ZNF177: variants seen among roughly 807,000 people sequenced by gnomAD.
ZNF177 encodes the protein zinc finger protein 177.
ZNF177 carries 17 observed loss-of-function variants against 19.4 expected under a neutral mutation model. The observed-to-expected ratio is 0.87, with a 90% CI of 0.60 to 1.31. The LOEUF (loss-of-function observed/expected upper bound fraction) is 1.31. Among genes scored for constraint, ZNF177 ranks in the 40% most tolerant of loss-of-function variants. The pLI is 0.00. For synonymous variants in ZNF177, 220 were observed against 188.7 expected (o/e 1.17, Z -1.36); for missense variants, 633 against 561.8 (o/e 1.13, Z -1.28).
chr19:9,378,055 A>G (rs998531287), intron 1 of ZNF177, among the ~76,000 whole-genome samples: 3 of 152,200 alleles, frequency 2.0e-5, no homozygotes, highest in Admixed American at 6.5e-5. Flanking sequence ...TTAGTGGTTC[A>G]GGCTAGAAAA....
intron 2 of ZNF177, among the ~76,000 whole-genome samples, chr19:9,368,873 T>C (rs189981078): frequency 6.6e-6 from 1 of 152,276 alleles, no homozygotes; most frequent in African/African-American, 2.4e-5. Context: ...CCATTTCATA[T>C]AGTTCAATGT....
chr19:9,370,558 C>A (rs1434937217), intron 2 of ZNF177, among the ~76,000 whole-genome samples: 2 of 152,010 alleles, frequency 1.3e-5, no homozygotes, highest in African/African-American at 4.8e-5. Flanking sequence ...GGACCACAGG[C>A]ATGCGCCACC....
chr19:9,368,831 T>C (rs1452230612), intron 2 of ZNF177, among the ~76,000 whole-genome samples: 2 of 152,280 alleles, frequency 1.3e-5, no homozygotes, highest in South Asian at 2.1e-4. Context: ...AAACCACTAA[T>C]ATTCAACCAT....
chr19:9,380,972 GCCTA>G lies in ZNF177; in HGVS notation c.643_646del (p.Leu215ThrfsTer88). 1 of 1,544,390 alleles carries G rather than the reference GCCTA, an allele frequency of 6.5e-7. No homozygotes were observed. The highest frequency in any genetic ancestry group is 1.2e-5 in the South Asian group (1 of 85,392). On this transcript the variant is annotated frameshift_variant, in exon 6 of 6. Transcript: ENST00000589262. LOFTEE classifies it low-confidence loss of function (END_TRUNC). ...TATGAGCAATGTGATATGTCCTTCAGCCTACACTCTTCCTGCTCAGTACGTGAGC... is the reference window on the plus strand; with the variant it reads ...TATGAGCAATGTGATATGTCCTTCAGCACTCTTCCTGCTCAGTACGTGAGC...
intron 5 of ZNF177, 121 bp downstream of exon 7, chr19:9,380,260 CTGT>C: frequency 2.4e-6 from 3 of 1,231,418 alleles, no homozygotes; most frequent in Non-Finnish European, 3.3e-6. Flanking sequence ...CACCAGAAAG[CTGT>C]CTCGGGAGAG....
chr19:9,377,710 A>G (rs1056489048), intron 1 of ZNF177, among the ~76,000 whole-genome samples: 2 of 151,274 alleles, frequency 1.3e-5, no homozygotes, highest in East Asian at 1.9e-4. Flanking sequence ...ATATACAGCT[A>G]AGTGTACTAA....
chr19:9,370,855 C>T (rs1192759463), intron 2 of ZNF177, among the ~76,000 whole-genome samples: 1 of 152,172 alleles, frequency 6.6e-6, no homozygotes, highest in Non-Finnish European at 1.5e-5. Context: ...ATACAGAGGG[C>T]TGACTGTATA....
intron 2 of ZNF177, among the ~76,000 whole-genome samples, chr19:9,368,914 A>G (rs531008263): frequency 1.3e-5 from 2 of 152,274 alleles, no homozygotes; most frequent in South Asian, 4.1e-4. Context: ...ACTTAGTTAC[A>G]TTGTAATTAA....
At chr19:9,366,023 G>A (rs1235034265) in intron 2 of ZNF177, among the ~76,000 whole-genome samples, 2 of 152,034 alleles carry the variant, frequency 1.3e-5, no homozygotes, top group Non-Finnish European at 2.9e-5. Context: ...TACCTCTGTC[G>A]CCAGGCTAGA....
intron 1 of ZNF177, among the ~76,000 whole-genome samples, chr19:9,376,828 G>A (rs1461894047): frequency 6.6e-6 from 1 of 152,012 alleles, no homozygotes; most frequent in African/African-American, 2.4e-5. Flanking sequence ...TACAGTATTA[G>A]GGTAATCTGG....
At chr19:9,371,959 A>T (rs1046707299), upstream of ZNF177, among the ~76,000 whole-genome samples, 1 of 152,216 alleles carries the variant, frequency 6.6e-6, no homozygotes, top group Non-Finnish European at 1.5e-5. Flanking sequence ...TATATATTTT[A>T]AAATATATCT....
exon 2 of ZNF177, chr19:9,378,314 G>C: frequency 6.2e-7 from 1 of 1,613,698 alleles, no homozygotes; most frequent in Non-Finnish European, 8.5e-7. Context: ...GAGGAAGAAT[G>C]GCTGCAGGGT....
exon 6 of ZNF177, chr19:9,381,551 C>G: frequency 6.2e-7 from 1 of 1,614,042 alleles, no homozygotes; most frequent in Non-Finnish European, 8.5e-7. Context: ...TCCTTCAGCA[C>G]AGGCTCTTAC....
chr19:9,370,936 G>A (rs1449673591), intron 2 of ZNF177, among the ~76,000 whole-genome samples: 2 of 152,074 alleles, frequency 1.3e-5, no homozygotes, highest in South Asian at 2.1e-4. Context: ...ATCATCTAGC[G>A]CTGAGCTGTC....
chr19:9,381,554 GCT>G lies in ZNF177; in HGVS notation c.1226_1227del (p.Ser409LeufsTer12). 6.2e-7 allele frequency: 1 copy of G among 1,614,128 alleles called. No homozygotes were observed. Among genetic ancestry groups the G allele is most frequent in the Admixed American group, 1.7e-5 (1 of 60,012 alleles). On this transcript the variant is annotated frameshift_variant, in exon 6 of 6. Transcript: ENST00000589262. LOFTEE classifies it low-confidence loss of function (END_TRUNC). The stretch of plus-strand genomic sequence containing the variant: ...CAGTGTGGAAAGTCCTTCAGCACAG[GCT>G]CTTACCTTATTGTGCACAAGAGAAC...
upstream of ZNF177, chr19:9,371,751 A>T (rs1190717278): frequency 6.6e-6 from 1 of 151,804 alleles, no homozygotes; most frequent in East Asian, 1.9e-4. Context: ...TAGTACCCAA[A>T]GGTTAGTGTC....
intron 2 of ZNF177, among the ~76,000 whole-genome samples, chr19:9,365,295 C>T (rs2067961943): frequency 1.3e-5 from 2 of 151,500 alleles, no homozygotes; most frequent in African/African-American, 2.4e-5. Flanking sequence ...AGAAGCTTGC[C>T]CATAGTGAAG....
chr19:9,369,586 A>G (rs367631296), intron 2 of ZNF177, among the ~76,000 whole-genome samples: 6 of 152,204 alleles, frequency 3.9e-5, no homozygotes, highest in African/African-American at 1.4e-4. Context: ...CCATCTGTAC[A>G]CTTACTGTTA....
chr19:9,376,883 A>G (rs1485313610), intron 1 of ZNF177, among the ~76,000 whole-genome samples: 1 of 152,160 alleles, frequency 6.6e-6, no homozygotes, highest in Admixed American at 6.5e-5. Flanking sequence ...TTATAATTTC[A>G]TATGGTTTCA....
Sources: gnomAD v4.1 joint callset for allele counts (sites outside exome capture counted in the v4.1 genomes callset) on GRCh38, gnomAD v4.1.1 for gene constraint, MANE v1.5 for transcripts, NCBI Gene and HGNC (gene_info 2026-07-23, HGNC 2026-07-21) for gene names.